ST3GAL1: variants seen among roughly 807,000 people sequenced by gnomAD.
The protein encoded by ST3GAL1 is ST3 beta-galactoside alpha-2,3-sialyltransferase 1.
ST3GAL1 carries 16 observed loss-of-function variants against 34.1 expected under a neutral mutation model. The ratio of observed to expected loss-of-function variants is 0.47; its 90% CI spans 0.32 to 0.71. ST3GAL1 has a LOEUF of 0.71. ST3GAL1 is among the 30% of genes least tolerant of loss of function. The pLI is 0.04. For missense variants in ST3GAL1, 353 were observed against 447.4 expected, an observed-to-expected ratio of 0.79 and a Z score of 1.90; for synonymous variants, 191 against 184.7, an observed-to-expected ratio of 1.03 and a Z score of -0.28.
intron 1 of ST3GAL1, among the ~76,000 whole-genome samples, chr8:133,554,146 C>A (rs1381738311): frequency 6.6e-6 from 1 of 152,172 alleles, no homozygotes; most frequent in African/African-American, 2.4e-5. Flanking sequence ...TGAGCTCCTA[C>A]TAGGTACCAG....
At chr8:133,526,705 T>C (rs1212389669) in intron 2 of ST3GAL1, among the ~76,000 whole-genome samples, 1 of 152,162 alleles carries the variant, frequency 6.6e-6, no homozygotes, top group African/African-American at 2.4e-5. Flanking sequence ...TGACGTTGCT[T>C]CCTGGATGGA....
intron 3 of ST3GAL1, among the ~76,000 whole-genome samples, chr8:133,497,456 ATTTTTTT>A (rs1159737986): frequency 6.9e-4 from 14 of 20,434 alleles, no homozygotes; most frequent in Non-Finnish European, 3.7e-4. Flanking sequence ...TTTTGTTGGA[ATTTTTTT>A]TTTTTTTTTT....
chr8:133,477,362 C>T (rs958843338), intron 3 of ST3GAL1, among the ~76,000 whole-genome samples: 5 of 152,204 alleles, frequency 3.3e-5, no homozygotes, highest in Non-Finnish European at 5.9e-5. Flanking sequence ...TTCATGCATA[C>T]GTATCTCTTC....
intron 2 of ST3GAL1, among the ~76,000 whole-genome samples, chr8:133,520,957 GTT>G (rs1197992431): frequency 1.1e-5 from 1 of 89,050 alleles, no homozygotes. Context: ...TTTGTGGGTT[GTT>G]TTTTTTTTTT....
chr8:133,487,818 A>T (rs188739264), intron 3 of ST3GAL1, among the ~76,000 whole-genome samples: 1 of 152,300 alleles, frequency 6.6e-6, no homozygotes, highest in African/African-American at 2.4e-5. Flanking sequence ...ATACAAAAAA[A>T]TTAGCTGGGT....
At chr8:133,509,308 A>C (rs1285688228) in intron 2 of ST3GAL1, among the ~76,000 whole-genome samples, 1 of 152,234 alleles carries the variant, frequency 6.6e-6, no homozygotes, top group African/African-American at 2.4e-5. Flanking sequence ...TATTTCCATC[A>C]CTGGGAAAGT....
rs140900471 is a variant in ST3GAL1 at position 133,470,247 on chromosome 8, C to T, written c.307-4157G>A. Among the ~76,000 whole-genome samples the T allele has an allele frequency of 4.7e-3, 711 of 152,186 alleles. 6 individuals are homozygous for T. The highest frequency in any genetic ancestry group is 0.016 in the African/African-American group (682 of 41,502). ...CCAGCCTGACCAACATGGAGAAACC[C>T]GGTCTCTACTAAAAATACAAAATCA... On this transcript the variant is annotated intron_variant, in intron 5 of 9. Coordinates refer to ENST00000522652, the MANE Select transcript of ST3GAL1 (RefSeq NM_173344.3).
rs112652138 is a variant in ST3GAL1, at chr8:133,520,379, G to A, written c.-428-21190C>T. Among the ~76,000 whole-genome samples, 869 of 152,280 alleles carry A rather than the reference G, an allele frequency of 5.7e-3. 7 individuals are homozygous for A. Among genetic ancestry groups the A allele is most frequent in the Non-Finnish European group, 8.7e-3 (589 of 68,022 alleles). ...CTTCTGGCACCACAGAAGTTTCTGC[G>A]TCTTGACACTTCTGCCTTCAAAATG... On this transcript the variant is annotated intron_variant, in intron 2 of 9. Transcript: ENST00000522652.
At chr8:133,484,830 G>T (rs1302052807) in intron 3 of ST3GAL1, among the ~76,000 whole-genome samples, 2 of 152,138 alleles carry the variant, frequency 1.3e-5, no homozygotes, top group South Asian at 2.1e-4. Context: ...GGTACTCCTG[G>T]CCTGATACCG....
At position 133,554,049 on chromosome 8, in the gene ST3GAL1, C is replaced by A. The variant is rs139432011; in HGVS notation, c.-581-8123G>T. ...GGAACTGGGACCCTTCGACAAGATC[C>A]ACCCAATCAGGGCTGTATAGCGGTT... On this transcript the variant is annotated intron_variant, in intron 1 of 9. Coordinates refer to ENST00000522652, the MANE Select transcript of ST3GAL1 (RefSeq NM_173344.3). Among the ~76,000 whole-genome samples the A allele has an allele frequency of 1.1e-3, 171 of 152,294 alleles. 1 individual carries two copies. The highest frequency in any genetic ancestry group is 3.9e-3 in the African/African-American group (163 of 41,546).
At chr8:133,464,194 C>A (rs1815635518) in intron 7 of ST3GAL1, among the ~76,000 whole-genome samples, 1 of 152,164 alleles carries the variant, frequency 6.6e-6, no homozygotes, top group Non-Finnish European at 1.5e-5. Context: ...GCTCCAGAGT[C>A]CTCACTGGGA....
At chr8:133,471,728 G>C (rs2130935663) in intron 5 of ST3GAL1, among the ~76,000 whole-genome samples, 1 of 152,178 alleles carries the variant, frequency 6.6e-6, no homozygotes, top group Non-Finnish European at 1.5e-5. Flanking sequence ...GGTGGTGGGG[G>C]TGGTAAGGGC....
rs140764044 is a variant in ST3GAL1, at chr8:133,508,825, T to G, written c.-428-9636A>C. ...AAAGCTTGTGCATCATACAAAACAG[T>G]GCAGATAATGGTAAATGCTTTTGCA... On this transcript the variant is annotated intron_variant, in intron 2 of 9. Coordinates refer to ENST00000522652, the MANE Select transcript of ST3GAL1 (RefSeq NM_173344.3). This position sits in a 1 kb window ranked among gnomAD's most constrained non-coding sequence, Gnocchi z 4.1. Among the ~76,000 whole-genome samples the G allele has an allele frequency of 8.5e-5, 13 of 152,208 alleles. No individual in the cohort carries two copies. The East Asian group carries it at 2.5e-3, about 29-fold the overall frequency.
chr8:133,549,113 G>A lies in ST3GAL1; in HGVS notation c.-581-3187C>T, dbSNP rs1031354634. ...AACTGTTCTATGCCATAAGATATAA[G>A]GCAGTAGCGGGGCGTGGTGGCTCAC... On this transcript the variant is annotated intron_variant, in intron 1 of 9. Coordinates refer to ENST00000522652, the MANE Select transcript of ST3GAL1 (RefSeq NM_173344.3). Among the ~76,000 whole-genome samples the A allele has an allele frequency of 7.2e-5, 11 of 152,314 alleles. No individual in the cohort carries two copies. The East Asian group carries it at 2.1e-3, about 29-fold the overall frequency.
chr8:133,504,453 G>T (rs1259097889), intron 2 of ST3GAL1, among the ~76,000 whole-genome samples: 2 of 152,234 alleles, frequency 1.3e-5, no homozygotes, highest in African/African-American at 2.4e-5. Flanking sequence ...TTCTGGGAAA[G>T]AATCAAGCCC....
chr8:133,545,937 A>G lies in ST3GAL1; in HGVS notation c.-581-11T>C, dbSNP rs1818660433. 2.0e-5 allele frequency: 3 copies of G among 152,228 alleles called. No homozygotes were observed. The highest frequency in any genetic ancestry group is 7.2e-5 in the African/African-American group (3 of 41,464). 9.4% of individuals were successfully genotyped at this position (152,228 alleles called of 1,614,324 possible). A position where few individuals can be genotyped will look rare whatever the true frequency, so the allele number is the denominator to read the frequency against. On this transcript the variant is annotated splice_polypyrimidine_tract_variant and intron_variant, in intron 1 of 9. Transcript: ENST00000522652. ...TGAAAATGGTACCAACTGAAAGAGA[A>G]GAGGAGAAAAGTTTAAGTCAGTTTT...
chr8:133,560,246 T>G (rs1033967432), intron 1 of ST3GAL1, among the ~76,000 whole-genome samples: 22 of 151,338 alleles, frequency 1.5e-4, no homozygotes, highest in Non-Finnish European at 5.9e-5. Flanking sequence ...ACAATTACTA[T>G]GTGTCAGTTT....
chr8:133,495,995 A>T (rs1387904567), intron 3 of ST3GAL1, among the ~76,000 whole-genome samples: 2 of 152,088 alleles, frequency 1.3e-5, no homozygotes, highest in Non-Finnish European at 2.9e-5. Context: ...CCTCATAAGC[A>T]CTTGTTTAAT....
At chr8:133,568,337 C>G (rs1383150639) in intron 1 of ST3GAL1, among the ~76,000 whole-genome samples, 3 of 152,208 alleles carry the variant, frequency 2.0e-5, no homozygotes, top group East Asian at 3.8e-4. Flanking sequence ...CACAGGGCCC[C>G]GGTCTGGGCT....
Sources: gnomAD v4.1 joint callset for allele counts (sites outside exome capture counted in the v4.1 genomes callset) on GRCh38, gnomAD v4.1.1 for gene constraint, Gnocchi (gnomAD v3.1) non-coding constraint, MANE v1.5 for transcripts, NCBI Gene and HGNC (gene_info 2026-07-23, HGNC 2026-07-21) for gene names.